The following PUM2 variants were observed in gnomAD, a reference collection of about 807,000 sequenced individuals.
The protein encoded by PUM2 is pumilio homolog 2.
PUM2 carries 57 observed loss-of-function variants against 124.5 expected under a neutral mutation model. The ratio of observed to expected loss-of-function variants is 0.46; its 90% confidence interval spans 0.37 to 0.57. The LOEUF (loss-of-function observed/expected upper bound fraction) is 0.57, where lower values mean the gene tolerates loss of function less well. PUM2 is among the 20% of genes least tolerant of loss of function. The pLI, the probability that PUM2 is intolerant of heterozygous loss-of-function variation, is 0.00. For missense variants in PUM2, 1,065 were observed against 1,290.6 expected (o/e 0.83, Z 2.68); for synonymous variants, 460 against 446.1 (o/e 1.03, Z -0.39).
At chr2:20,266,140 T>C (rs1262189402) in intron 13 of PUM2, among the ~76,000 whole-genome samples, 1 of 152,170 alleles carries the variant, frequency 6.6e-6, no homozygotes, top group Non-Finnish European at 1.5e-5. Flanking sequence ...GGTCTTCTCA[T>C]ATATGAAATT....
intron 13 of PUM2, among the ~76,000 whole-genome samples, chr2:20,277,006 T>C (rs560909049): frequency 6.6e-5 from 10 of 152,188 alleles, no homozygotes; most frequent in African/African-American, 2.4e-5. Flanking sequence ...CATATCTAGA[T>C]TGCTGTTCAA....
chr2:20,252,290 T>C lies in PUM2; in HGVS notation c.3064-574A>G, dbSNP rs951918660. Among the ~76,000 whole-genome samples, 6 of 152,308 alleles carry C rather than the reference T, an allele frequency of 3.9e-5. No individual in the cohort carries two copies. In the South Asian group the frequency reaches 1.0e-3, roughly 26 times the overall value. Reference sequence around the variant, plus strand: ...ACAAAACTAAAAGCATGCATGCCTGTAGTCTCAGCTACTAAGGAGACTAAA... The same window carrying C: ...ACAAAACTAAAAGCATGCATGCCTGCAGTCTCAGCTACTAAGGAGACTAAA... On this transcript the variant is annotated intron_variant, in intron 20 of 20. Transcript: ENST00000361078.
At chr2:20,267,305 G>A (rs949211586) in intron 13 of PUM2, among the ~76,000 whole-genome samples, 3 of 152,044 alleles carry the variant, frequency 2.0e-5, no homozygotes, top group Non-Finnish European at 2.9e-5. Flanking sequence ...AGATTACAGA[G>A]GTGAGCCACC....
intron 13 of PUM2, among the ~76,000 whole-genome samples, chr2:20,275,060 A>G (rs901182737): frequency 6.6e-6 from 1 of 150,816 alleles, no homozygotes; most frequent in African/African-American, 2.4e-5. Flanking sequence ...AACATGAGAA[A>G]ATAACTCAAT....
At chr2:20,317,286 T>C (rs1452481225) in intron 3 of PUM2, among the ~76,000 whole-genome samples, 1 of 152,224 alleles carries the variant, frequency 6.6e-6, no homozygotes, top group Non-Finnish European at 1.5e-5. Flanking sequence ...CCAGTTAATT[T>C]TCCCTTAACA....
At chr2:20,257,356 C>T (rs1428574107) in intron 16 of PUM2, among the ~76,000 whole-genome samples, 1 of 152,056 alleles carries the variant, frequency 6.6e-6, no homozygotes, top group African/African-American at 2.4e-5. Flanking sequence ...GTCATCCATC[C>T]ATATATTACT....
At position 20,283,234 on chromosome 2, in the gene PUM2, G is replaced by A. The variant is rs747676984; in HGVS notation, c.1436-3C>T. ...TCCTCCAGCTGCTGCTGCTGCTGCT[G>A]TAAAATAAATTTCAGATACTTCTTT... On this transcript the variant is annotated splice_region_variant and splice_polypyrimidine_tract_variant and intron_variant, in intron 11 of 20. Coordinates refer to ENST00000361078, the MANE Select transcript of PUM2 (RefSeq NM_015317.5). The A allele has an allele frequency of 1.2e-6, 2 of 1,610,300 alleles. No individual in the cohort carries two copies. Among genetic ancestry groups the A allele is most frequent in the African/African-American group, 2.7e-5 (2 of 74,706 alleles).
In PUM2 at chr2:20,306,991, G is replaced by C. The variant is rs1678485528; in HGVS notation, c.883+987C>G. 2.6e-5 allele frequency among the ~76,000 whole-genome samples: 4 copies of C among 151,788 alleles called. No homozygotes were observed. The South Asian group carries it at 8.3e-4, about 32-fold the overall frequency. ...CACTTTGGGAGGCCGAGGGGGGGCTGATCACCTGAGATCCGGAGTTCAAGA... is the reference window on the plus strand; with the variant it reads ...CACTTTGGGAGGCCGAGGGGGGGCTCATCACCTGAGATCCGGAGTTCAAGA... On this transcript the variant is annotated intron_variant, in intron 7 of 20. Coordinates refer to ENST00000361078, the MANE Select transcript of PUM2 (RefSeq NM_015317.5).
chr2:20,271,978 G>T (rs1211974512), intron 13 of PUM2, among the ~76,000 whole-genome samples: 1 of 152,076 alleles, frequency 6.6e-6, no homozygotes, highest in Non-Finnish European at 1.5e-5. Flanking sequence ...GACCAACATG[G>T]TGAAAACCCG....
chr2:20,334,054 C>T (rs570147371), intron 1 of PUM2, among the ~76,000 whole-genome samples: 6 of 152,276 alleles, frequency 3.9e-5, no homozygotes, highest in Admixed American at 2.6e-4. Context: ...GCTTTCTGTA[C>T]AGCCTGTAGA....
At chr2:20,344,652 T>G (rs915860074) in intron 1 of PUM2, among the ~76,000 whole-genome samples, 4 of 152,068 alleles carry the variant, frequency 2.6e-5, no homozygotes, top group African/African-American at 9.7e-5. Context: ...GAATGCCACC[T>G]CACCCATCTC....
chr2:20,270,116 C>T (rs1254620681), intron 13 of PUM2, among the ~76,000 whole-genome samples: 1 of 152,076 alleles, frequency 6.6e-6, no homozygotes. Flanking sequence ...AAAAACCTAC[C>T]CCTAACCCCG....
chr2:20,304,789 C>A (rs1165205813), intron 7 of PUM2, among the ~76,000 whole-genome samples: 3 of 152,130 alleles, frequency 2.0e-5, no homozygotes, highest in Admixed American at 6.5e-5. Flanking sequence ...TGCAAAAATT[C>A]TCATTAGTAA....
At chr2:20,272,191 A>G (rs7596757) in intron 13 of PUM2, among the ~76,000 whole-genome samples, 22,060 of 94,344 alleles carry the variant, frequency 0.23, 2,272 homozygotes, top group East Asian at 0.58. Flanking sequence ...ATGAATGAAT[A>G]AATAAATAAA....
chr2:20,350,816 A>T lies in PUM2; in HGVS notation c.-238T>A. 1 of 945,216 alleles carries T rather than the reference A, an allele frequency of 1.1e-6. No individual in the cohort carries two copies. Among genetic ancestry groups the T allele is most frequent in the Non-Finnish European group, 1.3e-6 (1 of 795,872 alleles). The allele number at this position is 945,216 out of a possible 1,614,324, so 58.6% of individuals were successfully genotyped here. A position where few individuals can be genotyped will look rare whatever the true frequency, so the allele number is the denominator to read the frequency against. On this transcript the variant is annotated 5_prime_UTR_variant, in exon 1 of 21. The change abolishes an upstream ATG in the 5' untranslated region. Coordinates refer to ENST00000361078, the MANE Select transcript of PUM2 (RefSeq NM_015317.5). ...GTGAGACACAGAGACTCACAACAAC[A>T]TGGCTGCCACCGCCGCCTGCCCTCC... is the stretch of plus-strand genomic sequence containing the variant.
At chr2:20,251,848 CT>C in intron 20 of PUM2, 132 bp from the exon 21 acceptor site, 2 of 1,140,986 alleles carry the variant, frequency 1.8e-6, no homozygotes, top group Non-Finnish European at 2.4e-6. Context: ...AAGAAAGCTA[CT>C]TTTTGCAAAA....
At chr2:20,339,196 T>C (rs80123772) in intron 1 of PUM2, among the ~76,000 whole-genome samples, 2,504 of 152,292 alleles carry the variant, frequency 0.016, 76 homozygotes, top group African/African-American at 0.056. Context: ...ATGCAGAATA[T>C]GTATCATGAC....
chr2:20,282,864 C>G lies in PUM2; in HGVS notation c.1720+83G>C, dbSNP rs540115031. The G allele has an allele frequency of 1.5e-5, 21 of 1,384,860 alleles. 1 individual carries two copies. The East Asian group carries it at 4.4e-4, about 29-fold the overall frequency. The allele number at this position is 1,384,860 out of a possible 1,614,324, so 85.8% of individuals were successfully genotyped here. On this transcript the variant is annotated intron_variant, in intron 12 of 20. Transcript: ENST00000361078. ...ATTCCTGTCCTTCCTATCCTACATG[C>G]TATTATTGCTTATTTTAATGTTAAA...
At chr2:20,255,124 A>G in intron 18 of PUM2, 92 bp downstream of exon 18, 4 of 1,481,792 alleles carry the variant, frequency 2.7e-6, no homozygotes, top group South Asian at 1.2e-5. Context: ...ACTCTTGTCT[A>G]TAGTGTGTTT....
Sources: gnomAD v4.1 joint callset for allele counts (sites outside exome capture counted in the v4.1 genomes callset) on GRCh38, gnomAD v4.1.1 for gene constraint, MANE v1.5 for transcripts, NCBI Gene and HGNC (gene_info 2026-07-23, HGNC 2026-07-21) for gene names.